Variants in CLIP4 observed in about 807,000 individuals in gnomAD.
CLIP4 encodes the protein CAP-Gly domain-containing linker protein 4.
In CLIP4, 47 loss-of-function variants were observed where a neutral mutation model predicts 73.1. That is an observed-to-expected ratio of 0.64 (90% CI 0.51 to 0.82). CLIP4 has a LOEUF of 0.82. Ranked by LOEUF, CLIP4 falls within the 40% of genes least tolerant of loss-of-function variation. The pLI is 0.00. For missense variants in CLIP4, 874 were observed against 852.9 expected, an observed-to-expected ratio of 1.02 and a Z score of -0.31; for synonymous variants, 306 against 295.4, an observed-to-expected ratio of 1.04 and a Z score of -0.37.
chr2:29,114,994 CGT>C (rs1009690206), upstream of CLIP4: 15 of 152,586 alleles, frequency 9.8e-5, no homozygotes, highest in African/African-American at 3.4e-4. Context: ...CAGGAGAAAA[CGT>C]GGGTGAAGAG....
intron 6 of CLIP4, among the ~76,000 whole-genome samples, chr2:29,142,336 T>G (rs545919107): frequency 1.1e-4 from 17 of 152,162 alleles, no homozygotes; most frequent in African/African-American, 4.1e-4. Flanking sequence ...AAGTTTCGAT[T>G]GTTGAATTGT....
Position 29,139,361 on chromosome 2 carries a change from T to C in CLIP4, c.648+3695T>C, listed in dbSNP as rs553608962. On this transcript the variant is annotated intron_variant, in intron 6 of 15. Coordinates refer to ENST00000320081, the MANE Select transcript of CLIP4 (RefSeq NM_024692.6). ...GACTTGATCACGGTGAATTATCTTT[T>C]TGGTATGCTGCTGAATTTGGTTTGC... Among the ~76,000 whole-genome samples, 91 of 152,306 alleles carry C rather than the reference T, an allele frequency of 6.0e-4. No individual in the cohort carries two copies. The South Asian group carries it at 0.018, about 31-fold the overall frequency.
rs1667145895 is a variant in CLIP4, at chr2:29,159,503, C to G, written c.1400-830C>G. 2.0e-5 allele frequency among the ~76,000 whole-genome samples: 3 copies of G among 151,990 alleles called. 1 individual carries two copies. The South Asian group carries it at 6.2e-4, about 32-fold the overall frequency. The stretch of plus-strand genomic sequence containing the variant: ...AGGGCAGTGGTTTTGTTCTTAATAA[C>G]AAAATCACTTTAGGATAATTAGAAC... On this transcript the variant is annotated intron_variant, in intron 11 of 15. Transcript: ENST00000320081.
At chr2:29,118,332 A>G (rs534274859) in intron 1 of CLIP4, 1 of 152,270 alleles carries the variant, frequency 6.6e-6, no homozygotes, top group East Asian at 1.9e-4. Context: ...TAAAGCATGG[A>G]CCAAGGAGTC....
intron 14 of CLIP4, among the ~76,000 whole-genome samples, chr2:29,169,329 CTGTGTGTGTGTGTGTG>C (rs70958249): frequency 1.1e-3 from 158 of 140,424 alleles, no homozygotes; most frequent in African/African-American, 2.8e-3. Flanking sequence ...GTCTTTTTCA[CTGTGTGTGTGTGTGTG>C]TGTGTGTGTG....
chr2:29,120,171 C>T (rs2148460425), intron 1 of CLIP4, among the ~76,000 whole-genome samples: 1 of 152,210 alleles, frequency 6.6e-6, no homozygotes, highest in East Asian at 1.9e-4. Context: ...ATTTTAGCAT[C>T]CAAGAAAATG....
intron 6 of CLIP4, among the ~76,000 whole-genome samples, chr2:29,140,048 C>T (rs1227580296): frequency 3.3e-5 from 5 of 151,052 alleles, no homozygotes; most frequent in African/African-American, 4.9e-5. Flanking sequence ...ATTTTTTTAA[C>T]GTGTTTTTAT....
intron 15 of CLIP4, among the ~76,000 whole-genome samples, chr2:29,180,947 T>A (rs1668611748): frequency 6.6e-6 from 1 of 152,090 alleles, no homozygotes; most frequent in Non-Finnish European, 1.5e-5. Flanking sequence ...CAAAAACTTT[T>A]AAAATGTTAA....
At chr2:29,144,699 C>A (rs1231444619) in intron 7 of CLIP4, among the ~76,000 whole-genome samples, 1 of 150,858 alleles carries the variant, frequency 6.6e-6, no homozygotes, top group Non-Finnish European at 1.5e-5. Flanking sequence ...CCTGTCCCTT[C>A]AGTTTTTTCT....
At chr2:29,116,677 G>C (rs1293407461) in intron 1 of CLIP4, among the ~76,000 whole-genome samples, 3 of 152,182 alleles carry the variant, frequency 2.0e-5, no homozygotes, top group Non-Finnish European at 4.4e-5. Context: ...AACCATCCTG[G>C]TTCCAGCTTA....
intron 14 of CLIP4, among the ~76,000 whole-genome samples, chr2:29,168,099 C>A (rs549887537): frequency 8.5e-5 from 13 of 152,288 alleles, no homozygotes; most frequent in African/African-American, 2.6e-4. Flanking sequence ...CTGCCATGGA[C>A]CAGAGCCTCT....
intron 15 of CLIP4, among the ~76,000 whole-genome samples, chr2:29,180,729 A>G (rs555609298): frequency 6.6e-6 from 1 of 152,318 alleles, no homozygotes; most frequent in South Asian, 2.1e-4. Flanking sequence ...ATAGCAATTA[A>G]AACAGCCAAA....
chr2:29,170,256 CT>C (rs1450129657), intron 14 of CLIP4, among the ~76,000 whole-genome samples: 4 of 152,118 alleles, frequency 2.6e-5, no homozygotes, highest in Non-Finnish European at 5.9e-5. Flanking sequence ...GATTTCCTTT[CT>C]TTTGGATATA....
At chr2:29,127,309 C>T (rs2148476687) in intron 2 of CLIP4, among the ~76,000 whole-genome samples, 1 of 151,962 alleles carries the variant, frequency 6.6e-6, no homozygotes, top group East Asian at 1.9e-4. Flanking sequence ...CAATTGTGTC[C>T]TGTTACAGGG....
chr2:29,136,853 T>C (rs1665401550), intron 6 of CLIP4, among the ~76,000 whole-genome samples: 1 of 151,912 alleles, frequency 6.6e-6, no homozygotes, highest in South Asian at 2.1e-4. Context: ...GGGGACAATG[T>C]TCTGAATTTG....
chr2:29,165,155 G>C (rs1667524495), intron 13 of CLIP4, among the ~76,000 whole-genome samples: 1 of 152,168 alleles, frequency 6.6e-6, no homozygotes, highest in South Asian at 2.1e-4. Context: ...TTTAGCTAAA[G>C]TCATACAGCT....
intron 7 of CLIP4, 102 bp downstream of exon 7, chr2:29,144,047 C>A: frequency 1.1e-6 from 1 of 871,002 alleles, no homozygotes; most frequent in Non-Finnish European, 1.9e-6. Context: ...GAAAAAGGTT[C>A]AACATGTAGG....
At chr2:29,157,523 G>C in intron 11 of CLIP4, 176 bp downstream of exon 11, 1 of 897,648 alleles carries the variant, frequency 1.1e-6, no homozygotes, top group Non-Finnish European at 1.7e-6. Context: ...TTGTTTTGCC[G>C]TCTCAGATAT....
intron 8 of CLIP4, among the ~76,000 whole-genome samples, chr2:29,148,751 C>T (rs1430711253): frequency 6.6e-6 from 1 of 152,160 alleles, no homozygotes; most frequent in East Asian, 1.9e-4. Flanking sequence ...ATTTAGTTCT[C>T]TACATGAGAC....
Sources: allele counts gnomAD v4.1 joint callset (sites outside exome capture counted in the v4.1 genomes callset), GRCh38; gene constraint gnomAD v4.1.1; transcripts MANE v1.5; gene names NCBI Gene and HGNC (gene_info 2026-07-23, HGNC 2026-07-21).